The following PREX1 variants were observed in gnomAD, a reference collection of about 807,000 sequenced individuals.
PREX1 encodes the protein phosphatidylinositol 3,4,5-trisphosphate-dependent Rac exchanger 1 protein.
A neutral mutation model predicts 198.3 loss-of-function variants in PREX1; 41 were observed. The ratio of observed to expected loss-of-function variants is 0.21; its 90% confidence interval spans 0.16 to 0.27. PREX1 has a LOEUF of 0.27. PREX1 is among the 10% of genes least tolerant of loss of function. The pLI, the probability that PREX1 is intolerant of heterozygous loss-of-function variation, is 1.00. For synonymous variants in PREX1, 843 were observed against 887.2 expected (o/e 0.95, Z 0.89); for missense variants, 1,620 against 2,200.7 (o/e 0.74, Z 5.28).
At chr20:48,667,827 C>T (rs993984400) in intron 14 of PREX1, among the ~76,000 whole-genome samples, 1 of 152,164 alleles carries the variant, frequency 6.6e-6, no homozygotes, top group Non-Finnish European at 1.5e-5. Flanking sequence ...GGTTTGCAGC[C>T]CTCCTAGGCC....
intron 36 of PREX1, among the ~76,000 whole-genome samples, chr20:48,629,954 C>T (rs1324973919): frequency 6.6e-6 from 1 of 152,178 alleles, no homozygotes. Context: ...AAGACCAACA[C>T]AAGCGCCCCC....
the PREX1 span, among the ~76,000 whole-genome samples, chr20:48,882,964 C>T: frequency 5.4e-5 from 7 of 128,920 alleles, no homozygotes; most frequent in Non-Finnish European, 1.1e-4. Context: ...TGAAGTCTTG[C>T]TCTGTCACCC....
chr20:48,627,988 G>A (rs775401141), intron 37 of PREX1, 25 bp from the exon 38 acceptor site: 15 of 1,510,248 alleles, frequency 9.9e-6, no homozygotes, highest in Admixed American at 1.8e-5. Flanking sequence ...GGAGGACAGC[G>A]GGTTGGCGGT....
At chr20:48,718,417 G>A (rs565589483) in intron 5 of PREX1, among the ~76,000 whole-genome samples, 15 of 151,972 alleles carry the variant, frequency 9.9e-5, no homozygotes, top group Admixed American at 4.6e-4. Context: ...AATAAATAAA[G>A]GAAAAAGAGC....
At chr20:48,652,766 G>C (rs1286771882) in intron 20 of PREX1, 60 bp from the exon 21 acceptor site, 19 of 1,551,066 alleles carry the variant, frequency 1.2e-5, no homozygotes, top group Middle Eastern at 1.9e-4. Flanking sequence ...GGAGGGGACA[G>C]GGCCGAGGTG....
intron 1 of PREX1, among the ~76,000 whole-genome samples, chr20:48,754,926 T>TC (rs973787468): frequency 1.3e-5 from 2 of 151,984 alleles, no homozygotes; most frequent in Non-Finnish European, 2.9e-5. Flanking sequence ...TCTGGGGAGC[T>TC]CCCCAATTGC....
At chr20:48,875,799 T>C in the PREX1 span, among the ~76,000 whole-genome samples, 2 of 151,906 alleles carry the variant, frequency 1.3e-5, no homozygotes, top group Admixed American at 1.3e-4. Context: ...AATAGGACAT[T>C]GCTAAGCAAG....
At chr20:48,749,237 C>A (rs185301571) in intron 1 of PREX1, among the ~76,000 whole-genome samples, 2 of 152,268 alleles carry the variant, frequency 1.3e-5, no homozygotes, top group African/African-American at 2.4e-5. Context: ...CACATGGAGA[C>A]CCCTGGGAAA....
At chr20:48,741,126 T>C (rs1325371673) in intron 3 of PREX1, among the ~76,000 whole-genome samples, 1 of 152,124 alleles carries the variant, frequency 6.6e-6, no homozygotes, top group African/African-American at 2.4e-5. Flanking sequence ...AGTGAATCAA[T>C]TTTTTAAAGC....
At chr20:48,678,218 G>A (rs1192711654) in intron 13 of PREX1, among the ~76,000 whole-genome samples, 4 of 152,046 alleles carry the variant, frequency 2.6e-5, no homozygotes, top group Non-Finnish European at 5.9e-5. Context: ...GGCAACTGAG[G>A]CATGAGAATC....
the PREX1 span, among the ~76,000 whole-genome samples, chr20:48,869,770 C>G: frequency 2.6e-5 from 4 of 152,178 alleles, no homozygotes; most frequent in Middle Eastern, 3.2e-3. Flanking sequence ...TGCATGTTCT[C>G]ACTCATAAGT....
intron 1 of PREX1, among the ~76,000 whole-genome samples, chr20:48,767,840 C>A (rs2090216270): frequency 6.6e-6 from 1 of 152,170 alleles, no homozygotes; most frequent in South Asian, 2.1e-4. Flanking sequence ...CCACAGAGAG[C>A]CTCCCCTGAC....
intron 25 of PREX1, among the ~76,000 whole-genome samples, chr20:48,647,557 C>A (rs2122883829): frequency 6.6e-6 from 1 of 150,742 alleles, no homozygotes; most frequent in South Asian, 2.1e-4. Context: ...GTGTCTCGTG[C>A]CTTCTAAGTG....
chr20:48,709,640 C>G (rs757630361), intron 5 of PREX1, among the ~76,000 whole-genome samples: 1 of 152,186 alleles, frequency 6.6e-6, no homozygotes, highest in Non-Finnish European at 1.5e-5. Context: ...CGAAGAAGTA[C>G]AAGGAGGAAC....
intron 10 of PREX1, among the ~76,000 whole-genome samples, chr20:48,687,080 G>A (rs555974218): frequency 3.3e-5 from 5 of 152,050 alleles, no homozygotes; most frequent in East Asian, 1.9e-4. Context: ...TGCCATCATC[G>A]GGCCCCAGGG....
At chr20:48,828,420 G>A (rs2090522891), upstream of PREX1, among the ~76,000 whole-genome samples, 2 of 152,094 alleles carry the variant, frequency 1.3e-5, no homozygotes, top group South Asian at 4.1e-4. Context: ...GCCGCTGCTC[G>A]GGCCAAGTAA....
intron 19 of PREX1, 27 bp downstream of exon 19, chr20:48,655,263 C>T (rs1241607927): frequency 6.0e-6 from 9 of 1,510,944 alleles, no homozygotes; most frequent in Non-Finnish European, 7.3e-6. Flanking sequence ...CTGCACCTTT[C>T]CCCTCTCTCC....
chr20:48,778,376 T>C lies in PREX1; in HGVS notation c.220-30496A>G, dbSNP rs147238807. On this transcript the variant is annotated intron_variant, in intron 1 of 39. Transcript: ENST00000371941. ...ATCACTTGAGGTGAGGAGTTCAAGA[T>C]CAGCCTGGCCAAAAGGATGAAATCC... is the stretch of plus-strand genomic sequence containing the variant. 1.2e-3 allele frequency among the ~76,000 whole-genome samples: 178 copies of C among 145,390 alleles called. 2 individuals carry two copies. The highest frequency in any genetic ancestry group is 0.012 in the East Asian group (58 of 4,958).
At chr20:48,646,688 A>AAAAAG (rs1555830758) in intron 25 of PREX1, among the ~76,000 whole-genome samples, 79 of 152,020 alleles carry the variant, frequency 5.2e-4, no homozygotes, top group African/African-American at 1.8e-3. Flanking sequence ...AAAAAAAAAA[A>AAAAAG]AAAAGAAAAG....
Sources: gnomAD v4.1 joint callset for allele counts (sites outside exome capture counted in the v4.1 genomes callset) on GRCh38, gnomAD v4.1.1 for gene constraint, MANE v1.5 for transcripts, NCBI Gene and HGNC (gene_info 2026-07-23, HGNC 2026-07-21) for gene names.